TMED3: variants seen among roughly 807,000 people sequenced by gnomAD.
The protein encoded by TMED3 is transmembrane p24 trafficking protein 3, also known as transmembrane emp24 domain-containing protein 3.
TMED3 carries 9 observed loss-of-function variants against 15.0 expected under a neutral mutation model. That is an observed-to-expected ratio of 0.60 (90% confidence interval 0.36 to 1.04). TMED3 has a LOEUF of 1.04. TMED3 is among the 50% of genes least tolerant of loss of function. The pLI, the probability that TMED3 is intolerant of heterozygous loss-of-function variation, is 0.01. For missense variants in TMED3, 267 were observed against 278.9 expected (o/e 0.96, Z 0.30); for synonymous variants, 117 against 121.4 (o/e 0.96, Z 0.24).
At chr15:79,381,567 T>C (rs1279706692) in intron 2 of TMED3, among the ~76,000 whole-genome samples, 1 of 152,230 alleles carries the variant, frequency 6.6e-6, no homozygotes, top group Non-Finnish European at 1.5e-5. Flanking sequence ...GTGCTAAATG[T>C]CACAGAGGTT....
intron 2 of TMED3, among the ~76,000 whole-genome samples, chr15:79,336,321 C>G (rs963896094): frequency 6.6e-6 from 1 of 152,164 alleles, no homozygotes; most frequent in African/African-American, 2.4e-5. Flanking sequence ...CACTGGCTGG[C>G]TAGTGGAGCT....
intron 2 of TMED3, chr15:79,314,490 A>G: frequency 2.2e-6 from 1 of 452,392 alleles, no homozygotes; most frequent in South Asian, 1.6e-5. Context: ...CCATGGTGTG[A>G]CTCAGGAATC....
intron 2 of TMED3, among the ~76,000 whole-genome samples, chr15:79,331,542 C>CAAAAAAAAAAAAAAAAAAAA (rs71451761): frequency 1.1e-5 from 1 of 89,288 alleles, no homozygotes; most frequent in Admixed American, 1.2e-4. Context: ...GCAAAAGAAG[C>CAAAAAAAAAAAAAAAAAAAA]AAAAAAAAAA....
chr15:79,406,757 A>G (rs933478755), intron 2 of TMED3, among the ~76,000 whole-genome samples: 1 of 152,096 alleles, frequency 6.6e-6, no homozygotes, highest in African/African-American at 2.4e-5. Context: ...CCAGCTACCC[A>G]TTTATCTTAC....
intron 2 of TMED3, among the ~76,000 whole-genome samples, chr15:79,358,860 G>A (rs908835602): frequency 6.6e-6 from 1 of 152,180 alleles, no homozygotes; most frequent in Non-Finnish European, 1.5e-5. Flanking sequence ...AGTGGGTGGT[G>A]GATAGCAGGG....
intron 2 of TMED3, among the ~76,000 whole-genome samples, chr15:79,356,056 CT>C (rs1355135070): frequency 9.2e-5 from 14 of 151,478 alleles, no homozygotes; most frequent in African/African-American, 3.1e-4. Context: ...GGGAACTGAG[CT>C]TAATGGGACA....
intron 2 of TMED3, among the ~76,000 whole-genome samples, chr15:79,317,598 A>G (rs893591415): frequency 1.3e-4 from 10 of 74,818 alleles, no homozygotes; most frequent in African/African-American, 4.7e-4. Flanking sequence ...ATATGTGTAC[A>G]TATGAATACA....
intron 2 of TMED3, among the ~76,000 whole-genome samples, chr15:79,316,356 A>T (rs1382348971): frequency 2.0e-5 from 3 of 152,328 alleles, no homozygotes; most frequent in African/African-American, 4.8e-5. Flanking sequence ...CTTCCTGAGA[A>T]TCTGGGAAGA....
At chr15:79,332,840 G>T (rs968993253) in intron 2 of TMED3, among the ~76,000 whole-genome samples, 2 of 152,144 alleles carry the variant, frequency 1.3e-5, no homozygotes, top group Non-Finnish European at 2.9e-5. Flanking sequence ...GTATGATGTG[G>T]GACATGGAGT....
At chr15:79,385,961 A>G (rs1003953793) in intron 2 of TMED3, among the ~76,000 whole-genome samples, 3 of 152,238 alleles carry the variant, frequency 2.0e-5, no homozygotes, top group African/African-American at 7.2e-5. Flanking sequence ...GTCCACCAGA[A>G]TCCACAGTCT....
chr15:79,393,031 A>C (rs1893716365), intron 2 of TMED3, among the ~76,000 whole-genome samples: 1 of 152,238 alleles, frequency 6.6e-6, no homozygotes, highest in Non-Finnish European at 1.5e-5. Flanking sequence ...TATCACTAGC[A>C]AAAGAGCTAG....
At position 79,383,007 on chromosome 15, in the gene TMED3, G is replaced by C. The variant is rs934250997; in HGVS notation, c.418-28393G>C. 6 of 1,535,246 alleles carry C rather than the reference G, an allele frequency of 3.9e-6. No individual in the cohort carries two copies. In the African/African-American group the frequency reaches 8.2e-5, roughly 21 times the overall value. ...ACCAACACCAACGCCACCACTAAGG[G>C]TTCCAGTGTGATCACCATCTGGGAT... On this transcript the variant is annotated intron_variant, in intron 2 of 2. Transcript: ENST00000424155.
chr15:79,317,665 A>T (rs1027484850), intron 2 of TMED3, among the ~76,000 whole-genome samples: 7 of 152,226 alleles, frequency 4.6e-5, no homozygotes, highest in Non-Finnish European at 7.3e-5. Flanking sequence ...CATGATACAT[A>T]CATGTATACA....
At chr15:79,362,881 T>A (rs559300234) in intron 2 of TMED3, among the ~76,000 whole-genome samples, 1 of 152,354 alleles carries the variant, frequency 6.6e-6, no homozygotes, top group East Asian at 1.9e-4. Context: ...GGTATATCTT[T>A]ATTAGCAGCA....
chr15:79,342,360 A>G (rs763595262), intron 2 of TMED3, among the ~76,000 whole-genome samples: 1 of 152,140 alleles, frequency 6.6e-6, no homozygotes, highest in Non-Finnish European at 1.5e-5. Flanking sequence ...GCAAAGATAT[A>G]CTATGTGAAC....
chr15:79,321,993 G>C lies in TMED3; in HGVS notation c.433G>C (p.Val145Leu). 1 of 1,614,160 alleles carries C rather than the reference G, an allele frequency of 6.2e-7. No individual in the cohort carries two copies. ...TCCTGCCCAGATGGAGTCCGCCTGC[G>C]TGACCATCCATGAGGCTCTGAAAAC... ...TALTQMESAC[V>L]TIHEALKTVI... The change falls in exon 3 of 3, where the codon GTG (valine) becomes CTG (leucine). Residue 145 changes from valine (V) to leucine (L), a missense_variant. By Grantham distance (32) the Val-to-Leu change is conservative. Coordinates refer to ENST00000299705, the MANE Select transcript of TMED3 (RefSeq NM_007364.4).
chr15:79,327,972 T>C (rs1207170206), intron 2 of TMED3, among the ~76,000 whole-genome samples: 1 of 152,242 alleles, frequency 6.6e-6, no homozygotes, highest in Non-Finnish European at 1.5e-5. Context: ...GTAAGAATTC[T>C]AAGAGCTACA....
At position 79,352,747 on chromosome 15, in the gene TMED3, T is replaced by C. The variant is rs374793995; in HGVS notation, c.417+38742T>C. On this transcript the variant is annotated intron_variant, in intron 2 of 2. Transcript: ENST00000424155. Reference sequence around the variant, plus strand: ...TTTATGGTACTCTTGCTAGTTCTAATAGATTTTTAGTTAATGATCTTGGGT... The same window carrying C: ...TTTATGGTACTCTTGCTAGTTCTAACAGATTTTTAGTTAATGATCTTGGGT... Among the ~76,000 whole-genome samples the C allele has an allele frequency of 6.3e-5, 9 of 143,800 alleles. 1 individual carries two copies. The East Asian group carries it at 1.6e-3, about 26-fold the overall frequency. The allele number at this position is 143,800 out of a possible 152,430, so 94.3% of individuals were successfully genotyped here.
rs139917575 is a variant in TMED3, at chr15:79,333,095, T to C, written c.417+19090T>C. Among the ~76,000 whole-genome samples the C allele has an allele frequency of 3.4e-3, 517 of 152,324 alleles. 5 individuals carry two copies. The highest frequency in any genetic ancestry group is 0.012 in the African/African-American group (486 of 41,584). On this transcript the variant is annotated intron_variant, in intron 2 of 2. Transcript: ENST00000424155. ...TTGCAGTGGGACAGTCTTTAAACTCTGTGTATTCTAGGACATTCATCTCCA... is the reference window on the plus strand; with the variant it reads ...TTGCAGTGGGACAGTCTTTAAACTCCGTGTATTCTAGGACATTCATCTCCA...
Sources: gnomAD v4.1 joint callset for allele counts (sites outside exome capture counted in the v4.1 genomes callset) on GRCh38, gnomAD v4.1.1 for gene constraint, MANE v1.5 for transcripts, NCBI Gene and HGNC (gene_info 2026-07-23, HGNC 2026-07-21) for gene names.